The following WWP1 variants were observed in gnomAD, a reference collection of about 807,000 sequenced individuals.
WWP1 encodes WW domain containing E3 ubiquitin protein ligase 1, also known as NEDD4-like E3 ubiquitin-protein ligase WWP1.
WWP1 carries 49 observed loss-of-function variants against 130.6 expected under a neutral mutation model. That is an observed-to-expected ratio of 0.38 (90% CI 0.30 to 0.48). The LOEUF (loss-of-function observed/expected upper bound fraction) is 0.48. Ranked by LOEUF, WWP1 falls within the 20% of genes least tolerant of loss-of-function variation. The pLI is 0.99. For synonymous variants in WWP1, 332 were observed against 367.8 expected, an observed-to-expected ratio of 0.90 and a Z score of 1.11; for missense variants, 809 against 1,100.6, an observed-to-expected ratio of 0.74 and a Z score of 3.75.
intron 9 of WWP1, among the ~76,000 whole-genome samples, chr8:86,422,075 A>G (rs1304436386): frequency 6.6e-6 from 1 of 152,104 alleles, no homozygotes; most frequent in Non-Finnish European, 1.5e-5. Flanking sequence ...GAAACATCAC[A>G]CATACACAGA....
intron 2 of WWP1, among the ~76,000 whole-genome samples, chr8:86,369,486 A>C (rs1022710150): frequency 6.6e-6 from 1 of 152,092 alleles, no homozygotes; most frequent in Non-Finnish European, 1.5e-5. Flanking sequence ...AAAGAGAAAA[A>C]TAGATTGGGG....
intron 3 of WWP1, among the ~76,000 whole-genome samples, chr8:86,380,089 C>T (rs186786555): frequency 3.3e-5 from 5 of 152,194 alleles, no homozygotes; most frequent in Admixed American, 2.0e-4. Context: ...GCACAATAGC[C>T]ACAAAGTGGA....
intron 16 of WWP1, among the ~76,000 whole-genome samples, chr8:86,436,216 A>T (rs1372226710): frequency 6.6e-6 from 1 of 152,236 alleles, no homozygotes; most frequent in Non-Finnish European, 1.5e-5. Context: ...AATAAAGCTT[A>T]AACAGCTTTT....
chr8:86,446,198 T>A (rs576902840), intron 18 of WWP1, among the ~76,000 whole-genome samples: 1 of 149,790 alleles, frequency 6.7e-6, no homozygotes, highest in South Asian at 2.1e-4. Context: ...GCCGGGCTGG[T>A]CTCGAACTCC....
rs1491179112 is a variant in WWP1 at position 86,364,833 on chromosome 8, A to AAGAAAG, written c.-114-4103_-114-4102insAAGAGA. ...AAAGAAAGAAAGAAAGAAAGAAAGA[A>AAGAAAG]AGAGAGAGAGAGAGAGAGAGAGAGA... On this transcript the variant is annotated intron_variant, in intron 1 of 24. Coordinates refer to ENST00000517970, the MANE Select transcript of WWP1 (RefSeq NM_007013.4). 1.8e-3 allele frequency among the ~76,000 whole-genome samples: 203 copies of AAGAAAG among 113,818 alleles called. 1 individual carries two copies. The highest frequency in any genetic ancestry group is 4.9e-3 in the African/African-American group (155 of 31,912). The allele number at this position is 113,818 out of a possible 152,430, so 74.7% of individuals were successfully genotyped here. A position where few individuals can be genotyped will look rare whatever the true frequency, so the allele number is the denominator to read the frequency against.
intron 1 of WWP1, among the ~76,000 whole-genome samples, chr8:86,354,681 ATTCCT>A (rs1438833983): frequency 1.3e-5 from 2 of 152,166 alleles, no homozygotes; most frequent in African/African-American, 4.8e-5. Flanking sequence ...GCAGTACTGT[ATTCCT>A]TTCAAGTTCT....
intron 1 of WWP1, among the ~76,000 whole-genome samples, chr8:86,367,033 G>A (rs1824014785): frequency 6.6e-6 from 1 of 152,190 alleles, no homozygotes; most frequent in Non-Finnish European, 1.5e-5. Context: ...CATTCATTGA[G>A]TTTTAAATTT....
chr8:86,427,585 C>A, intron 10 of WWP1, 58 bp from the exon 11 acceptor site: 2 of 1,464,864 alleles, frequency 1.4e-6, no homozygotes, highest in Non-Finnish European at 1.8e-6. Context: ...GAAGTAATAA[C>A]TGCTTTTCAT....
At chr8:86,416,333 T>A (rs1198810685) in intron 9 of WWP1, among the ~76,000 whole-genome samples, 1 of 151,882 alleles carries the variant, frequency 6.6e-6, no homozygotes, top group Non-Finnish European at 1.5e-5. Flanking sequence ...AACTGAGGGG[T>A]AGATTGTTTT....
At chr8:86,402,402 C>T (rs971767969) in intron 8 of WWP1, among the ~76,000 whole-genome samples, 199 bp downstream of exon 8, 5 of 151,986 alleles carry the variant, frequency 3.3e-5, no homozygotes, top group Admixed American at 6.6e-5. Context: ...TCCCCTGCCT[C>T]AGCCTCCCAA....
chr8:86,360,435 A>G (rs1394070177), intron 1 of WWP1, among the ~76,000 whole-genome samples: 1 of 151,792 alleles, frequency 6.6e-6, no homozygotes, highest in Non-Finnish European at 1.5e-5. Flanking sequence ...GGTTTTCCTC[A>G]CCCCTTTTCA....
chr8:86,384,979 A>G (rs1825194598), intron 5 of WWP1, among the ~76,000 whole-genome samples: 1 of 151,604 alleles, frequency 6.6e-6, no homozygotes, highest in Non-Finnish European at 1.5e-5. Flanking sequence ...AGCCAAGATT[A>G]TACCACTGCA....
intron 9 of WWP1, among the ~76,000 whole-genome samples, chr8:86,424,045 A>C (rs544278919): frequency 6.0e-5 from 9 of 149,466 alleles, no homozygotes; most frequent in Admixed American, 3.3e-4. Context: ...CTCACTTCCC[A>C]GACGGGGCGG....
intron 9 of WWP1, among the ~76,000 whole-genome samples, chr8:86,422,812 T>TA (rs1809304102): frequency 6.6e-6 from 1 of 152,150 alleles, no homozygotes; most frequent in Non-Finnish European, 1.5e-5. Context: ...AGGAAAAAGA[T>TA]AAAAACGTCA....
chr8:86,426,769 TAA>T (rs1189731996), intron 10 of WWP1, among the ~76,000 whole-genome samples: 1 of 152,118 alleles, frequency 6.6e-6, no homozygotes, highest in Non-Finnish European at 1.5e-5. Context: ...AAAAAAGTAA[TAA>T]AAAGAGTTCA....
chr8:86,409,226 C>CT (rs1230976832), intron 8 of WWP1, among the ~76,000 whole-genome samples: 2,917 of 100,548 alleles, frequency 0.029, 134 homozygotes, highest in African/African-American at 0.082. Context: ...CTTTTTCTTT[C>CT]TTTTTTTTTT....
At chr8:86,461,677 T>C (rs1811773459) in intron 23 of WWP1, 97 bp from the exon 24 acceptor site, 5 of 959,716 alleles carry the variant, frequency 5.2e-6, no homozygotes, top group Non-Finnish European at 8.2e-6. Flanking sequence ...TTTTGTATCA[T>C]TCATATGACT....
chr8:86,461,602 A>T (rs1474980720), intron 23 of WWP1, 172 bp from the exon 24 acceptor site: 1 of 646,956 alleles, frequency 1.5e-6, no homozygotes, highest in Non-Finnish European at 2.7e-6. Flanking sequence ...TCTAATTCTT[A>T]TTGCTGGATC....
chr8:86,365,170 A>G (rs1823899785), intron 1 of WWP1, among the ~76,000 whole-genome samples: 1 of 152,200 alleles, frequency 6.6e-6, no homozygotes, highest in African/African-American at 2.4e-5. Flanking sequence ...CTGGTTGAAA[A>G]TCTGAAATTG....
Sources: gnomAD v4.1 joint callset for allele counts (sites outside exome capture counted in the v4.1 genomes callset) on GRCh38, gnomAD v4.1.1 for gene constraint, MANE v1.5 for transcripts, NCBI Gene and HGNC (gene_info 2026-07-23, HGNC 2026-07-21) for gene names.